HPS4: variants seen among roughly 807,000 people sequenced by gnomAD.
HPS4 encodes BLOC-3 complex member HPS4.
In HPS4, 44 loss-of-function variants were observed where a neutral mutation model predicts 70.3. The ratio of observed to expected loss-of-function variants is 0.63; its 90% CI spans 0.49 to 0.80. HPS4 has a LOEUF of 0.80. HPS4 is among the 30% of genes least tolerant of loss of function. The pLI is 0.00. For synonymous variants in HPS4, 377 were observed against 355.9 expected (o/e 1.06, Z -0.67); for missense variants, 873 against 884.4 (o/e 0.99, Z 0.16).
intron 13 of HPS4, among the ~76,000 whole-genome samples, chr22:26,455,942 C>T (rs1188178533): frequency 6.6e-6 from 1 of 152,210 alleles, no homozygotes; most frequent in Non-Finnish European, 1.5e-5. Flanking sequence ...CAGACACACA[C>T]ACCCCCAACA....
At chr22:26,447,901 G>A (rs1356116079), downstream of HPS4, among the ~76,000 whole-genome samples, 2 of 152,100 alleles carry the variant, frequency 1.3e-5, no homozygotes, top group African/African-American at 4.8e-5. Context: ...CCCCACGTTC[G>A]AGGTGAGGGC....
intron 3 of HPS4, among the ~76,000 whole-genome samples, chr22:26,445,289 G>A (rs948636571): frequency 2.0e-5 from 3 of 152,096 alleles, no homozygotes; most frequent in South Asian, 2.1e-4. Flanking sequence ...AGCCTAGGTC[G>A]CGCCAGTGCA....
chr22:26,448,578 G>A (rs2085032725), downstream of HPS4, among the ~76,000 whole-genome samples: 1 of 152,198 alleles, frequency 6.6e-6, no homozygotes, highest in African/African-American at 2.4e-5. Flanking sequence ...AGCTGACAGC[G>A]AGGCAGGGCA....
chr22:26,464,655 G>C lies in HPS4; in HGVS notation c.975C>G (p.Asn325Lys), dbSNP rs763915803. The C allele has an allele frequency of 1.9e-6, 3 of 1,612,498 alleles. No homozygotes were observed. The Admixed American group carries it at 5.0e-5, about 27-fold the overall frequency. The stretch of plus-strand genomic sequence containing the variant: ...CCAGATCATGGCCAGACAAGCATCC[G>C]TTCTCCTTCCTGCCATCTGGACAAG... ...DEACPDGRKE[N>K]GCLSGHDLES... The change falls in exon 11 of 14, where the codon AAC becomes AAG. Residue 325 changes from asparagine to lysine, a missense_variant. Asn to Lys is a moderately conservative substitution (Grantham distance 94). Coordinates refer to ENST00000398145, the MANE Select transcript of HPS4 (RefSeq NM_022081.6).
chr22:26,475,683 T>C (rs1025604781), intron 4 of HPS4: 2 of 48,398 alleles, frequency 4.1e-5, no homozygotes, highest in African/African-American at 9.2e-5. Context: ...ATGATATGCA[T>C]GATAGAGAGA....
intron 13 of HPS4, among the ~76,000 whole-genome samples, chr22:26,456,837 A>C (rs1394252116): frequency 1.3e-5 from 2 of 152,204 alleles, no homozygotes; most frequent in African/African-American, 4.8e-5. Context: ...TTTAAAGCCC[A>C]AACTCCCTTT....
intron 13 of HPS4, 29 bp from the exon 14 acceptor site, chr22:26,453,433 C>T (rs1473890039): frequency 1.2e-6 from 2 of 1,612,010 alleles, no homozygotes; most frequent in Middle Eastern, 2.0e-4. Context: ...AGGCAACGGT[C>T]CAATGCTGCT....
chr22:26,464,956 C>A (rs2088212092), intron 10 of HPS4, 130 bp from the exon 11 acceptor site: 9 of 778,266 alleles, frequency 1.2e-5, no homozygotes, highest in South Asian at 9.6e-5. Flanking sequence ...CCTAAGAGGC[C>A]ACCAGAGTTA....
chr22:26,447,786 C>A (rs992112938), downstream of HPS4, among the ~76,000 whole-genome samples: 2 of 152,064 alleles, frequency 1.3e-5, no homozygotes, highest in African/African-American at 4.8e-5. Flanking sequence ...GGAGCACACA[C>A]AGGGATTGGT....
downstream of HPS4, among the ~76,000 whole-genome samples, chr22:26,447,844 G>C (rs2085005975): frequency 6.6e-6 from 1 of 152,044 alleles, no homozygotes; most frequent in Non-Finnish European, 1.5e-5. Context: ...CTAACTTCTG[G>C]GTACCTGCCC....
Position 26,472,831 on chromosome 22 carries a change from C to T in HPS4, c.384+1G>A, listed in dbSNP as rs201334605. On this transcript the variant is annotated splice_donor_variant, in intron 5 of 13. Coordinates refer to ENST00000398145, the MANE Select transcript of HPS4 (RefSeq NM_022081.6). LOFTEE classifies it high-confidence loss of function. Reference sequence around the variant, plus strand: ...AAGACTCCTCAACCCCATACTTGTACCTCATAAGCTAGGGAAACAGGTCCA... The same window carrying T: ...AAGACTCCTCAACCCCATACTTGTATCTCATAAGCTAGGGAAACAGGTCCA... The T allele has an allele frequency of 1.1e-4, 183 of 1,610,044 alleles. No homozygotes were observed. The highest frequency in any genetic ancestry group is 1.5e-4 in the Non-Finnish European group (176 of 1,176,322).
downstream of HPS4, among the ~76,000 whole-genome samples, chr22:26,446,486 C>T (rs1045762601): frequency 1.3e-4 from 20 of 152,186 alleles, no homozygotes; most frequent in Non-Finnish European, 2.8e-4. Context: ...AAAGCACACA[C>T]CCCACTCCCA....
intron 2 of HPS4, among the ~76,000 whole-genome samples, chr22:26,481,124 T>C (rs1204437980): frequency 6.6e-6 from 1 of 151,646 alleles, no homozygotes; most frequent in Admixed American, 6.6e-5. Context: ...TCCCTGCTTG[T>C]GCGGGCACAC....
At chr22:26,461,067 C>A (rs546572961) in intron 11 of HPS4, among the ~76,000 whole-genome samples, 3 of 152,318 alleles carry the variant, frequency 2.0e-5, no homozygotes, top group African/African-American at 7.2e-5. Flanking sequence ...CAGCCCTAGG[C>A]AACACAGAGC....
At position 26,452,787 on chromosome 22, in the gene HPS4, G is replaced by A. The variant is rs1232673384; in HGVS notation, c.*446C>T. 2 of 247,312 alleles carry A rather than the reference G, an allele frequency of 8.1e-6. No homozygotes were observed. The highest frequency in any genetic ancestry group is 1.1e-4 in the East Asian group (1 of 9,346). 15.3% of individuals were successfully genotyped at this position (247,312 alleles called of 1,614,324 possible). A position where few individuals can be genotyped will look rare whatever the true frequency, so the allele number is the denominator to read the frequency against. ...GTGGAGTCGGCCTGCTCACAGATCC[G>A]GCACCTCGCTGTGCAGTCACACCGC... On this transcript the variant is annotated 3_prime_UTR_variant, in exon 14 of 14. Coordinates refer to ENST00000398145, the MANE Select transcript of HPS4 (RefSeq NM_022081.6).
chr22:26,445,605 G>A (rs963628020), intron 3 of HPS4, among the ~76,000 whole-genome samples: 2 of 152,280 alleles, frequency 1.3e-5, no homozygotes, highest in East Asian at 1.9e-4. Context: ...TTGCACCCTC[G>A]GGACCTTGGG....
chr22:26,450,202 G>A (rs368910448), downstream of HPS4, among the ~76,000 whole-genome samples: 1 of 152,288 alleles, frequency 6.6e-6, no homozygotes, highest in African/African-American at 2.4e-5. Context: ...CAGGTTCTGG[G>A]GATTGGGACC....
intron 6 of HPS4, among the ~76,000 whole-genome samples, chr22:26,471,893 C>T (rs1368092129): frequency 6.6e-6 from 1 of 152,228 alleles, no homozygotes; most frequent in Non-Finnish European, 1.5e-5. Flanking sequence ...CAACCATTCT[C>T]TCTCAAAGAC....
At chr22:26,457,560 C>G (rs1487323582) in intron 13 of HPS4, among the ~76,000 whole-genome samples, 1 of 152,132 alleles carries the variant, frequency 6.6e-6, no homozygotes, top group Non-Finnish European at 1.5e-5. Context: ...CTGTTTCTAG[C>G]AAGGAGACGG....
Sources: gnomAD v4.1 joint callset for allele counts (sites outside exome capture counted in the v4.1 genomes callset) on GRCh38, gnomAD v4.1.1 for gene constraint, MANE v1.5 for transcripts, NCBI Gene and HGNC (gene_info 2026-07-23, HGNC 2026-07-21) for gene names.